Variants in TECR observed in about 807,000 individuals in gnomAD.
TECR encodes the protein very-long-chain enoyl-CoA reductase.
A neutral mutation model predicts 50.6 loss-of-function variants in TECR; 19 were observed. That is an observed-to-expected ratio of 0.38 (90% CI 0.26 to 0.55). The LOEUF (loss-of-function observed/expected upper bound fraction) is 0.55. Ranked by LOEUF, TECR falls within the 20% of genes least tolerant of loss-of-function variation. The pLI, the probability that TECR is intolerant of heterozygous loss-of-function variation, is 0.79. For missense variants in TECR, 313 were observed against 408.3 expected (o/e 0.77, Z 2.01); for synonymous variants, 168 against 163.5 (o/e 1.03, Z -0.21).
At position 14,564,047 on chromosome 19, in the gene TECR, C is replaced by A; in HGVS notation, c.333C>A (p.Phe111Leu). 1 of 1,613,898 alleles carries A rather than the reference C, an allele frequency of 6.2e-7. No individual in the cohort carries two copies. Among genetic ancestry groups the A allele is most frequent in the Non-Finnish European group, 8.5e-7 (1 of 1,179,954 alleles). Reference protein sequence around the residue: ...IYLLFYFRVPFIYGHKYDFTS... With the variant: ...IYLLFYFRVPLIYGHKYDFTS... ...TGCTCTTCTACTTCCGAGTGCCCTT[C>A]ATCTATGGCCACAAATATGACTTTA... Residue 111 changes from phenylalanine to leucine, a missense_variant, in exon 6 of 13, where the codon TTC becomes TTA. Transcript: ENST00000215567.
In TECR at chr19:14,563,017, C is replaced by T. The variant is rs980393452; in HGVS notation, c.67-189C>T. The T allele has an allele frequency of 1.5e-6, 1 of 675,722 alleles. No homozygotes were observed. The highest frequency in any genetic ancestry group is 2.5e-6 in the Non-Finnish European group (1 of 398,048). 41.9% of individuals were successfully genotyped at this position (675,722 alleles called of 1,614,324 possible). ...GAGGGTAAAAGTGGAGCCCCAGACC[C>T]CTGCTGTCACTGCACTGGCAGGGCC... On this transcript the variant is annotated intron_variant, in intron 2 of 12. Coordinates refer to ENST00000215567, the MANE Select transcript of TECR (RefSeq NM_138501.6). The surrounding 1 kb of genome is among the most constrained non-coding windows in gnomAD (Gnocchi z 5.3).
At chr19:14,532,512 CAAAAAAAAAA>C (rs748457923) in intron 1 of TECR, 1 of 73,708 alleles carries the variant, frequency 1.4e-5, no homozygotes, top group Non-Finnish European at 2.5e-5. Flanking sequence ...GAGTCTGTCT[CAAAAAAAAAA>C]AAAAAAAAAA....
intron 1 of TECR, among the ~76,000 whole-genome samples, chr19:14,557,114 C>CTTATTTATTTATTTAT (rs3050003): frequency 0.035 from 4,960 of 140,364 alleles, 119 homozygotes; most frequent in Middle Eastern, 0.049. Flanking sequence ...TTGGTCTAAT[C>CTTATTTATTTATTTAT]TTATTTATTT....
chr19:14,563,901 A>G lies in TECR; in HGVS notation c.265A>G (p.Thr89Ala), dbSNP rs575237431. ...RDLGAQISWV[T>A]VFLTEYAGPL... The stretch of plus-strand genomic sequence containing the variant: ...CCTGGGGGCCCAGATCAGCTGGGTG[A>G]CGGTGAGTCCTGACCCTACCCACGG... Residue 89 changes from threonine to alanine, a missense_variant and splice_region_variant, in exon 5 of 13, where the codon ACG (threonine) becomes GCG (alanine). Thr to Ala is a moderately conservative substitution (Grantham distance 58). Transcript: ENST00000215567. This position sits in a 1 kb window ranked among gnomAD's most constrained non-coding sequence, Gnocchi z 5.3. 6.2e-7 allele frequency: 1 copy of G among 1,613,996 alleles called. No homozygotes were observed. The highest frequency in any genetic ancestry group is 1.1e-5 in the South Asian group (1 of 91,084).
upstream of TECR, chr19:14,527,844 G>A (rs527857411): frequency 2.0e-5 from 3 of 152,208 alleles, no homozygotes; most frequent in Non-Finnish European, 4.4e-5. Flanking sequence ...AGGTGAAGAA[G>A]TGTGCCAGGT....
intron 1 of TECR, among the ~76,000 whole-genome samples, chr19:14,549,872 T>C (rs2073433885): frequency 6.6e-6 from 1 of 151,582 alleles, no homozygotes; most frequent in South Asian, 2.1e-4. Context: ...GAACTCGGCA[T>C]GCGGAGGTTG....
intron 1 of TECR, among the ~76,000 whole-genome samples, chr19:14,540,304 G>A (rs1433129946): frequency 1.3e-5 from 2 of 151,876 alleles, no homozygotes; most frequent in South Asian, 2.1e-4. Context: ...TCCTGACCTC[G>A]TGATCCACCC....
rs1400435469 is a variant in TECR, at chr19:14,563,277, A to G, written c.118+20A>G. Reference sequence around the variant, plus strand: ...AGACCCGTGAGTTCTAGTCCCGGCCACACTGCCCCTGCAACCCCTTTGACC... The same window carrying G: ...AGACCCGTGAGTTCTAGTCCCGGCCGCACTGCCCCTGCAACCCCTTTGACC... On this transcript the variant is annotated intron_variant, in intron 3 of 12. Transcript: ENST00000215567. The surrounding 1 kb of genome is among the most constrained non-coding windows in gnomAD (Gnocchi z 5.3). The G allele has an allele frequency of 2.5e-6, 4 of 1,600,948 alleles. No individual in the cohort carries two copies. Among genetic ancestry groups the G allele is most frequent in the Non-Finnish European group, 3.4e-6 (4 of 1,168,188 alleles).
intron 1 of TECR, among the ~76,000 whole-genome samples, chr19:14,544,671 T>C (rs2073241474): frequency 6.7e-6 from 1 of 150,140 alleles, no homozygotes; most frequent in Non-Finnish European, 1.5e-5. Context: ...TCTCACTCTG[T>C]CGCCCATGCT....
upstream of TECR, among the ~76,000 whole-genome samples, chr19:14,528,144 G>A (rs1303507210): frequency 3.3e-5 from 5 of 151,808 alleles, no homozygotes; most frequent in South Asian, 2.1e-4. Flanking sequence ...TTGGCCTCCC[G>A]AAGTGCTGGG....
intron 1 of TECR, among the ~76,000 whole-genome samples, chr19:14,549,891 C>T (rs1488041494): frequency 6.6e-6 from 1 of 151,426 alleles, no homozygotes; most frequent in Non-Finnish European, 1.5e-5. Context: ...TGCAGTGAGC[C>T]GAGATTGTGC....
rs80188567 is a variant in TECR at position 14,555,629 on chromosome 19, C to T, written c.16-6896C>T. On this transcript the variant is annotated intron_variant, in intron 1 of 12. Coordinates refer to ENST00000215567, the MANE Select transcript of TECR (RefSeq NM_138501.6). ...CTTGGCTAATTTTTGTGTTTTTACA[C>T]GGGGTTTTACCATGTTGGCCAGGCT... Among the ~76,000 whole-genome samples, 432 of 151,668 alleles carry T rather than the reference C, an allele frequency of 2.8e-3. 4 individuals are homozygous for T. The highest frequency in any genetic ancestry group is 9.9e-3 in the African/African-American group (411 of 41,358).
chr19:14,551,171 A>G (rs969355444), intron 1 of TECR, among the ~76,000 whole-genome samples: 15 of 151,646 alleles, frequency 9.9e-5, no homozygotes, highest in Non-Finnish European at 4.4e-5. Context: ...TCCCAGGTTC[A>G]TAACGATTCT....
chr19:14,535,562 AT>A (rs2072858420), intron 1 of TECR, among the ~76,000 whole-genome samples: 1 of 27,914 alleles, frequency 3.6e-5, no homozygotes, highest in African/African-American at 1.4e-4. Flanking sequence ...ATATATATAT[AT>A]ATATATATAT....
At chr19:14,546,356 G>A (rs2146590403) in intron 1 of TECR, among the ~76,000 whole-genome samples, 1 of 152,192 alleles carries the variant, frequency 6.6e-6, no homozygotes, top group African/African-American at 2.4e-5. Flanking sequence ...GAAGGCTGAG[G>A]TGGGCGGATC....
chr19:14,549,581 C>T (rs1192053695), intron 1 of TECR, among the ~76,000 whole-genome samples: 1 of 152,006 alleles, frequency 6.6e-6, no homozygotes, highest in Non-Finnish European at 1.5e-5. Flanking sequence ...CCTGCCCTGG[C>T]CTCCCAAAGT....
At chr19:14,547,915 A>T (rs947623942) in intron 1 of TECR, among the ~76,000 whole-genome samples, 5 of 147,798 alleles carry the variant, frequency 3.4e-5, no homozygotes, top group African/African-American at 1.3e-4. Context: ...GCCTCGAGGG[A>T]TCCTCCTGCC....
At chr19:14,539,010 G>A (rs1289473980) in intron 1 of TECR, among the ~76,000 whole-genome samples, 1 of 144,792 alleles carries the variant, frequency 6.9e-6, no homozygotes, top group Non-Finnish European at 1.5e-5. Context: ...GTCTCGCTCC[G>A]TCACCCAGGC....
chr19:14,549,329 C>T (rs1045456453), intron 1 of TECR, among the ~76,000 whole-genome samples: 3 of 150,776 alleles, frequency 2.0e-5, no homozygotes, highest in African/African-American at 7.3e-5. Flanking sequence ...TCTCCTGCCT[C>T]AGCCTCCCAA....
Sources: gnomAD v4.1 joint callset for allele counts (sites outside exome capture counted in the v4.1 genomes callset) on GRCh38, gnomAD v4.1.1 for gene constraint, Gnocchi (gnomAD v3.1) non-coding constraint, MANE v1.5 for transcripts, NCBI Gene and HGNC (gene_info 2026-07-23, HGNC 2026-07-21) for gene names.